Variants in BAG4 observed in about 807,000 individuals in gnomAD.
The protein encoded by BAG4 is BAG cochaperone 4.
In BAG4, 28 loss-of-function variants were observed where a neutral mutation model predicts 52.1. The observed-to-expected ratio is 0.54, with a 90% CI of 0.40 to 0.74. BAG4 has a LOEUF of 0.74. Among genes scored for constraint, BAG4 ranks in the 30% least tolerant of loss-of-function variants. BAG4 has a pLI of 0.00. For missense variants in BAG4, 525 were observed against 572.0 expected (o/e 0.92, Z 0.84); for synonymous variants, 208 against 217.0 (o/e 0.96, Z 0.37).
chr8:38,191,827 A>G (rs781213788), intron 1 of BAG4, among the ~76,000 whole-genome samples: 1 of 152,102 alleles, frequency 6.6e-6, no homozygotes, highest in African/African-American at 2.4e-5. Context: ...ATAGGATAAT[A>G]AATGTATGTA....
At chr8:38,182,227 T>C (rs1803285898) in intron 1 of BAG4, among the ~76,000 whole-genome samples, 1 of 152,236 alleles carries the variant, frequency 6.6e-6, no homozygotes, top group African/African-American at 2.4e-5. Context: ...TTGTTAGTGA[T>C]TATGAACCAT....
chr8:38,187,267 A>T (rs1803378395), intron 1 of BAG4, among the ~76,000 whole-genome samples: 1 of 152,218 alleles, frequency 6.6e-6, no homozygotes, highest in African/African-American at 2.4e-5. Context: ...ATTATATATT[A>T]AAAAAGAAAC....
At chr8:38,203,074 A>G (rs1386338266) in intron 2 of BAG4, 1 of 152,196 alleles carries the variant, frequency 6.6e-6, no homozygotes, top group Non-Finnish European at 1.5e-5. Flanking sequence ...TCAGATGCGC[A>G]TACCATAGAT....
At chr8:38,180,984 A>G (rs1422364252) in intron 1 of BAG4, among the ~76,000 whole-genome samples, 1 of 145,362 alleles carries the variant, frequency 6.9e-6, no homozygotes, top group Admixed American at 7.1e-5. Context: ...TCTGTTACCC[A>G]GGCTGGAGTG....
At chr8:38,187,155 C>A (rs1013121441) in intron 1 of BAG4, among the ~76,000 whole-genome samples, 2 of 151,916 alleles carry the variant, frequency 1.3e-5, no homozygotes, top group Non-Finnish European at 2.9e-5. Flanking sequence ...TTCAAAGTAG[C>A]CATTATATAT....
chr8:38,207,113 C>T (rs940403127), intron 2 of BAG4, among the ~76,000 whole-genome samples: 4 of 151,872 alleles, frequency 2.6e-5, no homozygotes, highest in Admixed American at 1.3e-4. Flanking sequence ...CCACCATGCC[C>T]GGTTAATTTT....
intron 2 of BAG4, among the ~76,000 whole-genome samples, chr8:38,193,439 A>G (rs1803509504): frequency 6.6e-6 from 1 of 151,558 alleles, no homozygotes; most frequent in Admixed American, 6.6e-5. Flanking sequence ...CAAACAAAAA[A>G]ACCCCACGAA....
At chr8:38,201,629 T>C (rs576866443) in intron 2 of BAG4, 2 of 151,898 alleles carry the variant, frequency 1.3e-5, no homozygotes, top group South Asian at 2.1e-4. Flanking sequence ...TAGACTCCTA[T>C]AGTGGTATAT....
rs1803163306 is a variant in BAG4, at chr8:38,176,876, G to A, written c.7G>A (p.Ala3Thr). ...CTTCAGGGCAGCGGATCCCATGTCG[G>A]CCCTGAGGCGCTCGGGCTACGGCCC... is the stretch of plus-strand genomic sequence containing the variant. MS[A>T]LRRSGYGPSD... is the part of the protein sequence containing the mutation. The change falls in exon 1 of 5, where the codon GCC (alanine) becomes ACC (threonine). Residue 3 changes from alanine to threonine, a missense_variant. Coordinates refer to ENST00000287322, the MANE Select transcript of BAG4 (RefSeq NM_004874.4). 6.5e-7 allele frequency: 1 copy of A among 1,536,428 alleles called. No individual in the cohort carries two copies. The highest frequency in any genetic ancestry group is 8.8e-7 in the Non-Finnish European group (1 of 1,139,878).
chr8:38,192,156 T>C (rs1460994701), intron 1 of BAG4, among the ~76,000 whole-genome samples: 1 of 152,228 alleles, frequency 6.6e-6, no homozygotes, highest in Non-Finnish European at 1.5e-5. Context: ...TGTTCCAAAG[T>C]TATTGGTAAA....
Position 38,210,413 on chromosome 8 carries a change from G to T in BAG4, c.1294G>T (p.Asp432Tyr), listed in dbSNP as rs1385766485. 1 of 1,614,040 alleles carries T rather than the reference G, an allele frequency of 6.2e-7. No individual in the cohort carries two copies. Among genetic ancestry groups the T allele is most frequent in the Middle Eastern group, 1.6e-4 (1 of 6,062 alleles). Residue 432 changes from aspartate (D) to tyrosine (Y), a missense_variant, in exon 5 of 5, where the codon GAC (aspartate) becomes TAC (tyrosine). Physicochemically the swap from Asp to Tyr is radical, Grantham distance 160 (BLOSUM62 -3). This residue lies in a region of BAG4 where 238 missense variants were observed against 305.8 expected (regional missense o/e 0.78). Coordinates refer to ENST00000287322, the MANE Select transcript of BAG4 (RefSeq NM_004874.4). ...GGATTCAGTTGAAACTGGGGGCCAGGACTCTGTACGGCAGGCCAGAAAAGA... is the reference window on the plus strand; with the variant it reads ...GGATTCAGTTGAAACTGGGGGCCAGTACTCTGTACGGCAGGCCAGAAAAGA... ...ELDSVETGGQ[D>Y]SVRQARKEAV...
chr8:38,182,137 CAG>C (rs1803285033), intron 1 of BAG4, among the ~76,000 whole-genome samples: 2 of 152,008 alleles, frequency 1.3e-5, no homozygotes, highest in South Asian at 4.1e-4. Flanking sequence ...AGGGACAACA[CAG>C]AGAAGCATTT....
chr8:38,184,400 G>A (rs564202281), intron 1 of BAG4, among the ~76,000 whole-genome samples: 3 of 152,190 alleles, frequency 2.0e-5, no homozygotes, highest in Admixed American at 6.5e-5. Context: ...CCAGGTGGCC[G>A]AGGGTGTGGT....
chr8:38,188,502 C>G (rs1410877745), intron 1 of BAG4, among the ~76,000 whole-genome samples: 1 of 151,634 alleles, frequency 6.6e-6, no homozygotes, highest in Non-Finnish European at 1.5e-5. Flanking sequence ...ATCAAAATAT[C>G]ACATGTATCC....
At chr8:38,203,956 T>C (rs1396663408) in intron 2 of BAG4, 1 of 152,248 alleles carries the variant, frequency 6.6e-6, no homozygotes, top group African/African-American at 2.4e-5. Flanking sequence ...CATCTTGGCA[T>C]TGGCAACTTT....
chr8:38,210,032 T>C lies in BAG4; in HGVS notation c.913T>C (p.Ser305Pro). The C allele has an allele frequency of 6.2e-7, 1 of 1,614,130 alleles. No individual in the cohort carries two copies. The highest frequency in any genetic ancestry group is 1.3e-5 in the African/African-American group (1 of 75,046). Residue 305 changes from serine to proline, a missense_variant, in exon 5 of 5, where the codon TCA becomes CCA. Ser to Pro is a moderately conservative substitution (Grantham distance 74). This residue lies in a region of BAG4 where 238 missense variants were observed against 305.8 expected (regional missense o/e 0.78). Coordinates refer to ENST00000287322, the MANE Select transcript of BAG4 (RefSeq NM_004874.4). ...GGATTCTTCATACCCCTATAGCCAA[T>C]CAGATCAAAGCATGAACCGGCACAA... Reference protein sequence around the residue: ...PKDSSYPYSQSDQSMNRHNFP... With the variant: ...PKDSSYPYSQPDQSMNRHNFP...
At chr8:38,187,113 G>A (rs1003536829) in intron 1 of BAG4, among the ~76,000 whole-genome samples, 1 of 152,170 alleles carries the variant, frequency 6.6e-6, no homozygotes, top group Non-Finnish European at 1.5e-5. Flanking sequence ...GATTGTGAAA[G>A]TGACCAGATG....
At chr8:38,181,851 C>T (rs1050430997) in intron 1 of BAG4, among the ~76,000 whole-genome samples, 18 of 123,570 alleles carry the variant, frequency 1.5e-4, no homozygotes, top group Admixed American at 1.1e-4. Flanking sequence ...GATCATGCCA[C>T]GAACTCCAGC....
intron 1 of BAG4, among the ~76,000 whole-genome samples, chr8:38,188,584 T>C (rs1803407760): frequency 6.7e-6 from 1 of 150,266 alleles, no homozygotes; most frequent in Non-Finnish European, 1.5e-5. Flanking sequence ...TATACGTGTA[T>C]ACACATATAT....
Sources: gnomAD v4.1 joint callset for allele counts (sites outside exome capture counted in the v4.1 genomes callset) on GRCh38, gnomAD v4.1.1 for gene constraint, gnomAD v4.1.1 regional missense constraint, MANE v1.5 for transcripts, NCBI Gene and HGNC (gene_info 2026-07-23, HGNC 2026-07-21) for gene names.